Variants in SEH1L observed in about 807,000 individuals in gnomAD.
SEH1L encodes the protein nucleoporin SEH1.
A neutral mutation model predicts 49.5 loss-of-function variants in SEH1L; 18 were observed. The observed-to-expected ratio is 0.36, with a 90% CI of 0.25 to 0.54. The LOEUF (loss-of-function observed/expected upper bound fraction) is 0.54. Among genes scored for constraint, SEH1L ranks in the 20% least tolerant of loss-of-function variants. The pLI is 0.87. For missense variants in SEH1L, 404 were observed against 528.8 expected (o/e 0.76, Z 2.31); for synonymous variants, 169 against 178.1 (o/e 0.95, Z 0.41).
chr18:12,955,082 A>G (rs891368797), intron 2 of SEH1L, among the ~76,000 whole-genome samples: 3 of 152,060 alleles, frequency 2.0e-5, no homozygotes, highest in African/African-American at 7.2e-5. Context: ...AGAATTTGCA[A>G]GTAAAATGGT....
At chr18:12,971,491 G>T in intron 5 of SEH1L, 1 of 252,516 alleles carries the variant, frequency 4.0e-6, no homozygotes. Context: ...AAAATTAGCT[G>T]GGTGTGGTGG....
At chr18:12,970,428 T>C (rs1184434325) in intron 4 of SEH1L, among the ~76,000 whole-genome samples, 2 of 152,210 alleles carry the variant, frequency 1.3e-5, no homozygotes, top group Non-Finnish European at 2.9e-5. Flanking sequence ...CTTCTTCTTT[T>C]CTTTTTTTCT....
chr18:12,951,667 A>G (rs1233624642), intron 1 of SEH1L, among the ~76,000 whole-genome samples, 188 bp from the exon 2 acceptor site: 1 of 152,250 alleles, frequency 6.6e-6, no homozygotes, highest in South Asian at 2.1e-4. Context: ...CTGGGATTAC[A>G]GGCATGAGCC....
At chr18:12,948,424 C>G in intron 1 of SEH1L, 192 bp downstream of exon 1, 1 of 467,904 alleles carries the variant, frequency 2.1e-6, no homozygotes, top group South Asian at 3.1e-5. Flanking sequence ...GCCTCGCGGG[C>G]CGCCCTCCCG....
chr18:12,984,525 G>C (rs2032392558), intron 8 of SEH1L, among the ~76,000 whole-genome samples: 1 of 152,202 alleles, frequency 6.6e-6, no homozygotes, highest in South Asian at 2.1e-4. Flanking sequence ...ATGAACATTA[G>C]TGTTTTTTAG....
intron 8 of SEH1L, chr18:12,985,283 T>C: frequency 6.2e-7 from 1 of 1,604,666 alleles, no homozygotes; most frequent in Non-Finnish European, 8.5e-7. Context: ...CTTTGCTGTT[T>C]TGCTGCTTGT....
Position 12,971,203 on chromosome 18 carries a change from C to T in SEH1L, c.572C>T (p.Pro191Leu), listed in dbSNP as rs781169276. 9.9e-6 allele frequency: 16 copies of T among 1,613,968 alleles called. No individual in the cohort carries two copies. Among genetic ancestry groups the T allele is most frequent in the South Asian group, 9.9e-5 (9 of 91,064 alleles). The change falls in exon 5 of 9, where the codon CCC (proline) becomes CTC (leucine). Residue 191 changes from proline to leucine, a missense_variant. Pro to Leu is a moderately conservative substitution (Grantham distance 98). Around this residue, in one of 3 missense-constraint regions of SEH1L, gnomAD observed 342 missense variants for 430.8 expected, o/e 0.79. Coordinates refer to ENST00000399892, the MANE Select transcript of SEH1L (RefSeq NM_001013437.2). ...MIAVGSDDSSPNAMAKVQIFE... is the reference protein window; with the variant it reads ...MIAVGSDDSSLNAMAKVQIFE... ...GCCGTAGGAAGTGATGACAGTAGCC[C>T]CAACGCAATGGCCAAGGTTCAGATT...
At chr18:12,980,667 A>G (rs1475268570) in intron 6 of SEH1L, among the ~76,000 whole-genome samples, 11 of 106,090 alleles carry the variant, frequency 1.0e-4, no homozygotes, top group South Asian at 6.9e-4. Flanking sequence ...CTCACCTCCC[A>G]GACAGGGTGG....
At chr18:12,957,254 T>G (rs2030922109) in intron 3 of SEH1L, among the ~76,000 whole-genome samples, 2 of 151,416 alleles carry the variant, frequency 1.3e-5, no homozygotes, top group African/African-American at 4.9e-5. Context: ...ATGGAGAAAC[T>G]CCCCCTCTAC....
At chr18:12,953,062 T>A (rs9949380) in intron 2 of SEH1L, among the ~76,000 whole-genome samples, 1 of 151,990 alleles carries the variant, frequency 6.6e-6, no homozygotes, top group African/African-American at 2.4e-5. Flanking sequence ...GATTACAGGC[T>A]TGAGCCACCA....
intron 6 of SEH1L, among the ~76,000 whole-genome samples, chr18:12,980,076 G>A (rs1194949775): frequency 1.1e-4 from 7 of 61,508 alleles, no homozygotes; most frequent in African/African-American, 5.6e-4. Flanking sequence ...CTGGCCGGGC[G>A]GGGGGCTGAC....
intron 4 of SEH1L, among the ~76,000 whole-genome samples, chr18:12,966,094 GTTT>G (rs35889009): frequency 1.5e-5 from 2 of 136,568 alleles, no homozygotes; most frequent in African/African-American, 2.7e-5. Flanking sequence ...TATTTTTATG[GTTT>G]TTTTTTTTTT....
At chr18:12,954,168 G>A (rs934232317) in intron 2 of SEH1L, among the ~76,000 whole-genome samples, 1 of 152,226 alleles carries the variant, frequency 6.6e-6, no homozygotes, top group Non-Finnish European at 1.5e-5. Flanking sequence ...GTTGTTGAAT[G>A]TAAAAAATGT....
At chr18:12,948,274 G>T in intron 1 of SEH1L, 42 bp downstream of exon 1, 2 of 1,472,830 alleles carry the variant, frequency 1.4e-6, no homozygotes. Context: ...CCGGAAGGAA[G>T]GAAGGGGAGT....
Position 12,981,849 on chromosome 18 carries a change from C to CTT in SEH1L, c.762-669_762-668insTT, listed in dbSNP as rs1467685892. On this transcript the variant is annotated intron_variant, in intron 6 of 8. Coordinates refer to ENST00000399892, the MANE Select transcript of SEH1L (RefSeq NM_001013437.2). The stretch of plus-strand genomic sequence containing the variant: ...ATTCTTTCCTACTTGCTGCCCTGCC[C>CTT]ATTTTTTTTTTTTTTTTTTTTTTTT... 5.5e-3 allele frequency among the ~76,000 whole-genome samples: 561 copies of CTT among 102,488 alleles called. 61 individuals carry two copies. The highest frequency in any genetic ancestry group is 0.013 in the South Asian group (43 of 3,200). The allele number at this position is 102,488 out of a possible 152,430, so 67.2% of individuals were successfully genotyped here. A position where few individuals can be genotyped will look rare whatever the true frequency, so the allele number is the denominator to read the frequency against.
At chr18:12,978,995 C>A in intron 6 of SEH1L, 103 bp downstream of exon 6, 1 of 1,089,402 alleles carries the variant, frequency 9.2e-7, no homozygotes, top group Non-Finnish European at 1.3e-6. Context: ...GTTTATATTT[C>A]TGCTCTGGAA....
At chr18:12,968,611 T>C (rs1360289964) in intron 4 of SEH1L, among the ~76,000 whole-genome samples, 1 of 152,214 alleles carries the variant, frequency 6.6e-6, no homozygotes, top group African/African-American at 2.4e-5. Context: ...TGTATTTTCT[T>C]TCTCAGTCTG....
intron 2 of SEH1L, among the ~76,000 whole-genome samples, chr18:12,954,460 T>G (rs911465009): frequency 3.9e-5 from 6 of 152,200 alleles, no homozygotes; most frequent in Non-Finnish European, 8.8e-5. Context: ...ATTGTTAGAC[T>G]TTTGAAGCAA....
chr18:12,948,012 G>C lies in SEH1L; in HGVS notation c.-110G>C. ...CAGGGGCGGTGCGGGGGCGTGGGCA[G>C]CACAAGCCGTGCGCTCCCGGGCTGC... On this transcript the variant is annotated 5_prime_UTR_variant, in exon 1 of 9. Transcript: ENST00000399892. The C allele has an allele frequency of 5.4e-6, 4 of 736,606 alleles. No individual in the cohort carries two copies. The South Asian group carries it at 6.9e-5, about 13-fold the overall frequency. 45.6% of individuals were successfully genotyped at this position (736,606 alleles called of 1,614,324 possible).
Sources: gnomAD v4.1 joint callset for allele counts (sites outside exome capture counted in the v4.1 genomes callset) on GRCh38, gnomAD v4.1.1 for gene constraint, gnomAD v4.1.1 regional missense constraint, MANE v1.5 for transcripts, NCBI Gene and HGNC (gene_info 2026-07-23, HGNC 2026-07-21) for gene names.